The following PRKCB variants were observed in gnomAD, a reference collection of about 807,000 sequenced individuals.
PRKCB encodes the protein protein kinase C beta.
PRKCB carries 13 observed loss-of-function variants against 81.5 expected under a neutral mutation model. The ratio of observed to expected loss-of-function variants is 0.16; its 90% CI spans 0.10 to 0.25. The LOEUF is 0.25. PRKCB is among the 10% of genes least tolerant of loss of function. The probability of loss-of-function intolerance (pLI) is 1.00; values close to 1 mark genes in which losing one functional copy is unlikely to be tolerated. For synonymous variants in PRKCB, 335 were observed against 321.4 expected (o/e 1.04, Z -0.45); for missense variants, 509 against 875.7 (o/e 0.58, Z 5.29).
chr16:24,071,354 A>G (rs926901495), intron 5 of PRKCB, among the ~76,000 whole-genome samples: 8 of 148,558 alleles, frequency 5.4e-5, no homozygotes, highest in African/African-American at 2.0e-4. Flanking sequence ...CTGTAATCCT[A>G]GCACTTTGAG....
chr16:24,081,201 A>G (rs1792665529), intron 5 of PRKCB, among the ~76,000 whole-genome samples: 1 of 152,200 alleles, frequency 6.6e-6, no homozygotes, highest in South Asian at 2.1e-4. Context: ...TCAGCAATAT[A>G]TAAATGAAAA....
At chr16:24,019,301 G>A (rs925448160) in intron 3 of PRKCB, among the ~76,000 whole-genome samples, 13 of 151,470 alleles carry the variant, frequency 8.6e-5, no homozygotes, top group African/African-American at 3.2e-4. Context: ...CTATGATCTC[G>A]CCACTGTGCT....
chr16:24,108,491 A>G (rs1966609987), intron 7 of PRKCB, among the ~76,000 whole-genome samples: 1 of 144,666 alleles, frequency 6.9e-6, no homozygotes, highest in African/African-American at 2.6e-5. Flanking sequence ...TAGGCAGAGG[A>G]CCCTGCGGCC....
chr16:24,204,009 G>A (rs1447604754), intron 16 of PRKCB, among the ~76,000 whole-genome samples: 1 of 151,882 alleles, frequency 6.6e-6, no homozygotes, highest in African/African-American at 2.4e-5. Flanking sequence ...CTTGTAATTG[G>A]GATGGGAATA....
chr16:23,915,689 CAAAAAAAA>C (rs71154259), intron 2 of PRKCB, among the ~76,000 whole-genome samples: 1 of 54,530 alleles, frequency 1.8e-5, no homozygotes, highest in African/African-American at 7.7e-5. Flanking sequence ...GACTCTCTAT[CAAAAAAAA>C]AAAAAAAAAA....
At position 24,031,976 on chromosome 16, in the gene PRKCB, G is replaced by A. The variant is rs1370809890; in HGVS notation, c.289-160G>A. Reference sequence around the variant, plus strand: ...CTTCCACAACTATTTATCCAGCACCGTTTCTGGGCACAGGGCTCCAGCGAT... The same window carrying A: ...CTTCCACAACTATTTATCCAGCACCATTTCTGGGCACAGGGCTCCAGCGAT... On this transcript the variant is annotated intron_variant, in intron 3 of 16. Transcript: ENST00000643927. 20 of 554,060 alleles carry A rather than the reference G, an allele frequency of 3.6e-5. No homozygotes were observed. The East Asian group carries it at 4.0e-4, about 11-fold the overall frequency. 34.3% of individuals were successfully genotyped at this position (554,060 alleles called of 1,614,324 possible).
intron 5 of PRKCB, among the ~76,000 whole-genome samples, chr16:24,066,402 G>A (rs1474417405): frequency 1.3e-5 from 2 of 152,126 alleles, no homozygotes; most frequent in Admixed American, 1.3e-4. Flanking sequence ...GCTAAGCCAT[G>A]CATTGAGTTA....
At chr16:23,898,882 T>C (rs181810166) in intron 2 of PRKCB, among the ~76,000 whole-genome samples, 1 of 152,316 alleles carries the variant, frequency 6.6e-6, no homozygotes. Context: ...TATGCATCTA[T>C]AAAATGGGGT....
At chr16:24,158,377 T>G (rs975207731) in intron 10 of PRKCB, among the ~76,000 whole-genome samples, 8 of 152,158 alleles carry the variant, frequency 5.3e-5, no homozygotes, top group African/African-American at 1.9e-4. Context: ...CTTGACAACT[T>G]AGATAGGTTC....
intron 2 of PRKCB, among the ~76,000 whole-genome samples, chr16:23,900,602 C>T (rs1488732355): frequency 2.2e-5 from 3 of 133,400 alleles, no homozygotes; most frequent in African/African-American, 5.2e-5. Context: ...CTTAGTAGCA[C>T]CTCACACATA....
intron 2 of PRKCB, among the ~76,000 whole-genome samples, chr16:23,919,506 C>T (rs1002447494): frequency 2.0e-5 from 3 of 151,958 alleles, no homozygotes; most frequent in African/African-American, 4.8e-5. Context: ...TGAAATGGAT[C>T]ATATTTTATT....
intron 10 of PRKCB, among the ~76,000 whole-genome samples, chr16:24,165,133 T>A (rs1410858909): frequency 6.6e-6 from 1 of 152,208 alleles, no homozygotes; most frequent in Non-Finnish European, 1.5e-5. Flanking sequence ...CTTGACCTCC[T>A]GGGCACAAGC....
chr16:23,943,329 A>G (rs1054444970), intron 2 of PRKCB, among the ~76,000 whole-genome samples: 1 of 152,176 alleles, frequency 6.6e-6, no homozygotes, highest in African/African-American at 2.4e-5. Flanking sequence ...GTTCAAGACC[A>G]ACGTGGACAA....
At chr16:24,085,807 C>A (rs549256815) in intron 5 of PRKCB, among the ~76,000 whole-genome samples, 1 of 152,208 alleles carries the variant, frequency 6.6e-6, no homozygotes, top group Non-Finnish European at 1.5e-5. Context: ...TGATTCACCA[C>A]GCTAGCTCTC....
chr16:23,899,181 C>A (rs558636079), intron 2 of PRKCB, among the ~76,000 whole-genome samples: 1 of 152,254 alleles, frequency 6.6e-6, no homozygotes, highest in East Asian at 1.9e-4. Context: ...CTTCTCCCTC[C>A]GCTCCCACAG....
rs186841887 is a variant in PRKCB, at chr16:24,022,728, C to T, written c.289-9408C>T. ...CAGGATGGTCTCGATCTCCTGACCT[C>T]GTGATCCGCCTGCCTCGGACTCCCA... is the stretch of plus-strand genomic sequence containing the variant. On this transcript the variant is annotated intron_variant, in intron 3 of 16. Transcript: ENST00000643927. Among the ~76,000 whole-genome samples the T allele has an allele frequency of 2.1e-3, 317 of 152,292 alleles. 3 individuals are homozygous for T. The highest frequency in any genetic ancestry group is 7.4e-3 in the African/African-American group (307 of 41,556).
At chr16:24,184,339 T>C (rs1967670325) in intron 13 of PRKCB, among the ~76,000 whole-genome samples, 1 of 151,712 alleles carries the variant, frequency 6.6e-6, no homozygotes, top group African/African-American at 2.4e-5. Flanking sequence ...TAGTCCCAAC[T>C]ACACAGGAGG....
At chr16:24,207,853 G>A (rs1968070978) in intron 16 of PRKCB, among the ~76,000 whole-genome samples, 1 of 152,190 alleles carries the variant, frequency 6.6e-6, no homozygotes, top group Non-Finnish European at 1.5e-5. Flanking sequence ...AAGTGTTCCT[G>A]GCAGAGGAGG....
intron 11 of PRKCB, 100 bp downstream of exon 11, chr16:24,172,461 C>T (rs935930437): frequency 9.9e-5 from 88 of 893,112 alleles, no homozygotes; most frequent in Non-Finnish European, 1.3e-4. Flanking sequence ...CTTTAAACAC[C>T]TCGGGCATCT....
Sources: gnomAD v4.1 joint callset for allele counts (sites outside exome capture counted in the v4.1 genomes callset) on GRCh38, gnomAD v4.1.1 for gene constraint, MANE v1.5 for transcripts, NCBI Gene and HGNC (gene_info 2026-07-23, HGNC 2026-07-21) for gene names.